The following SLC1A1 variants were observed in gnomAD, a reference collection of about 807,000 sequenced individuals.
The protein encoded by SLC1A1 is excitatory amino acid transporter 3.
Under a neutral mutation model 53.3 loss-of-function variants are expected in SLC1A1, and 43 were observed. That is an observed-to-expected ratio of 0.81 (90% CI 0.63 to 1.04). The LOEUF (loss-of-function observed/expected upper bound fraction) is 1.04. SLC1A1 is among the 50% of genes least tolerant of loss of function. The probability of loss-of-function intolerance (pLI) is 0.00; values close to 1 mark genes in which losing one functional copy is unlikely to be tolerated. For missense variants in SLC1A1, 748 were observed against 664.9 expected, an observed-to-expected ratio of 1.12 and a Z score of -1.37; for synonymous variants, 307 against 243.2, an observed-to-expected ratio of 1.26 and a Z score of -2.44.
rs1418473880 is a variant in SLC1A1, at chr9:4,587,181, A to G, written c.*1623A>G. On this transcript the variant is annotated 3_prime_UTR_variant, in exon 12 of 12. Transcript: ENST00000262352. Reference sequence around the variant, plus strand: ...ACTGAATTGTTATGTAAACATCATAAATAGTAAATAATGATTCAATGTGAA... The same window carrying G: ...ACTGAATTGTTATGTAAACATCATAGATAGTAAATAATGATTCAATGTGAA... 1 of 152,630 alleles carries G rather than the reference A, an allele frequency of 6.6e-6. No individual in the cohort carries two copies. Among genetic ancestry groups the G allele is most frequent in the East Asian group, 1.9e-4 (1 of 5,206 alleles). 9.5% of individuals were successfully genotyped at this position (152,630 alleles called of 1,614,324 possible).
At chr9:4,545,585 C>G (rs576289719) in intron 2 of SLC1A1, among the ~76,000 whole-genome samples, 8 of 152,360 alleles carry the variant, frequency 5.3e-5, no homozygotes, top group South Asian at 2.1e-4. Flanking sequence ...TCCTTACCCA[C>G]TTTCTACTCA....
intron 1 of SLC1A1, among the ~76,000 whole-genome samples, chr9:4,526,239 T>G (rs144728533): frequency 2.2e-3 from 335 of 152,292 alleles, no homozygotes; most frequent in African/African-American, 7.5e-3. Context: ...GGAAAGAATT[T>G]ATTAGATAAG....
At chr9:4,561,208 A>G (rs923761211) in intron 2 of SLC1A1, among the ~76,000 whole-genome samples, 2 of 152,098 alleles carry the variant, frequency 1.3e-5, no homozygotes, top group Non-Finnish European at 2.9e-5. Context: ...AAGGCAGGAC[A>G]CTCCTGGAGG....
intron 1 of SLC1A1, among the ~76,000 whole-genome samples, chr9:4,519,851 G>A (rs1414239351): frequency 6.6e-6 from 1 of 152,152 alleles, no homozygotes; most frequent in Non-Finnish European, 1.5e-5. Flanking sequence ...TGGGGACCCG[G>A]ACCACATGTC....
In SLC1A1 at chr9:4,564,409, G is replaced by C. The variant is rs770695246; in HGVS notation, c.391G>C (p.Gly131Arg). Residue 131 changes from glycine to arginine, a missense_variant, in exon 4 of 12, where the codon GGC (glycine) becomes CGC (arginine). Physicochemically the swap from Gly to Arg is moderately radical, Grantham distance 125 (BLOSUM62 -2). Coordinates refer to ENST00000262352, the MANE Select transcript of SLC1A1 (RefSeq NM_004170.6). ...GAAAGTGGGTGAAATTGCGAGGACA[G>C]GCAGCACCCCTGAAGTCAGTACGGT... Reference protein sequence around the residue: ...TQKVGEIARTGSTPEVSTVDA... With the variant: ...TQKVGEIARTRSTPEVSTVDA... The C allele has an allele frequency of 6.2e-7, 1 of 1,613,898 alleles. No homozygotes were observed. Among genetic ancestry groups the C allele is most frequent in the Non-Finnish European group, 8.5e-7 (1 of 1,179,908 alleles).
intron 2 of SLC1A1, among the ~76,000 whole-genome samples, chr9:4,551,889 G>A (rs915312313): frequency 6.6e-6 from 1 of 152,188 alleles, no homozygotes; most frequent in Admixed American, 6.5e-5. Context: ...TTTCTGAAAT[G>A]CCTGGCCTCC....
At chr9:4,558,045 CATT>C (rs201342766) in intron 2 of SLC1A1, among the ~76,000 whole-genome samples, 3,507 of 152,182 alleles carry the variant, frequency 0.023, 54 homozygotes, top group Non-Finnish European at 0.034. Flanking sequence ...TTATTGTCAT[CATT>C]ATTATTTGTA....
intron 2 of SLC1A1, among the ~76,000 whole-genome samples, chr9:4,545,320 C>A (rs1197261206): frequency 1.3e-5 from 2 of 152,010 alleles, no homozygotes; most frequent in African/African-American, 2.4e-5. Flanking sequence ...ACAGCTCTGT[C>A]CACCACTGCT....
Position 4,549,152 on chromosome 9 carries a change from C to T in SLC1A1, c.232+4445C>T, listed in dbSNP as rs1206023100. 1.1e-4 allele frequency among the ~76,000 whole-genome samples: 17 copies of T among 152,220 alleles called. No individual in the cohort carries two copies. In the East Asian group the frequency reaches 2.5e-3, roughly 23 times the overall value. ...AGGGACAGAACAGCACCTCCAGTCC[C>T]GCTCCCAGAGGTCCCCTGAGCATCC... On this transcript the variant is annotated intron_variant, in intron 2 of 11. Transcript: ENST00000262352. This position sits in a 1 kb window ranked among gnomAD's most constrained non-coding sequence, Gnocchi z 4.1.
intron 2 of SLC1A1, among the ~76,000 whole-genome samples, chr9:4,550,095 C>T (rs902054600): frequency 6.6e-6 from 1 of 152,170 alleles, no homozygotes; most frequent in Non-Finnish European, 1.5e-5. Flanking sequence ...GAGTGTGAGT[C>T]CTAGTACTGA....
chr9:4,495,066 G>T (rs1461290566), intron 1 of SLC1A1, among the ~76,000 whole-genome samples: 1 of 152,176 alleles, frequency 6.6e-6, no homozygotes. Context: ...GCTCCTTCAT[G>T]GTCTTAGCAA....
At chr9:4,581,460 C>G (rs189477821) in intron 10 of SLC1A1, among the ~76,000 whole-genome samples, 1 of 152,290 alleles carries the variant, frequency 6.6e-6, no homozygotes, top group East Asian at 1.9e-4. Context: ...TAAGCAAGGT[C>G]AAGGCTCAAG....
intron 1 of SLC1A1, among the ~76,000 whole-genome samples, chr9:4,540,589 C>T (rs1816920303): frequency 6.6e-6 from 1 of 152,202 alleles, no homozygotes; most frequent in African/African-American, 2.4e-5. Context: ...ACGGAGTTCA[C>T]TCCAGCTGAT....
At chr9:4,577,347 G>A (rs574881396) in intron 10 of SLC1A1, among the ~76,000 whole-genome samples, 2 of 152,316 alleles carry the variant, frequency 1.3e-5, no homozygotes, top group South Asian at 4.1e-4. Context: ...CTGGCATAAA[G>A]GATACATAAA....
chr9:4,538,062 T>G (rs1816743806), intron 1 of SLC1A1, among the ~76,000 whole-genome samples: 2 of 152,184 alleles, frequency 1.3e-5, no homozygotes, highest in Non-Finnish European at 1.5e-5. Context: ...AAATGTTTAG[T>G]TCAAGGCCTG....
intron 1 of SLC1A1, among the ~76,000 whole-genome samples, chr9:4,533,365 G>A (rs1564013008): frequency 2.6e-5 from 4 of 152,106 alleles, no homozygotes. Flanking sequence ...AGGGATGGAG[G>A]AAGATCTACC....
intron 10 of SLC1A1, among the ~76,000 whole-genome samples, chr9:4,581,618 G>A (rs1329770216): frequency 2.0e-5 from 3 of 152,200 alleles, no homozygotes; most frequent in Admixed American, 6.5e-5. Context: ...ACCTGTTGAT[G>A]CATTCCATTT....
chr9:4,542,300 G>T (rs762493791), intron 1 of SLC1A1, among the ~76,000 whole-genome samples: 3 of 152,054 alleles, frequency 2.0e-5, no homozygotes, highest in Non-Finnish European at 4.4e-5. Context: ...AACCTACTTG[G>T]GGTACATGTC....
rs1818365937 is a variant in SLC1A1, at chr9:4,556,205, A to C, written c.233-5244A>C. Reference sequence around the variant, plus strand: ...TTTGTTTTTTTGTTTTTTTAAGTAGAGATGGGGTTTCACCATGTTGGCCAG... The same window carrying C: ...TTTGTTTTTTTGTTTTTTTAAGTAGCGATGGGGTTTCACCATGTTGGCCAG... On this transcript the variant is annotated intron_variant, in intron 2 of 11. Coordinates refer to ENST00000262352, the MANE Select transcript of SLC1A1 (RefSeq NM_004170.6). This position sits in a 1 kb window ranked among gnomAD's most constrained non-coding sequence, Gnocchi z 4.1. Among the ~76,000 whole-genome samples, 1 of 152,060 alleles carries C rather than the reference A, an allele frequency of 6.6e-6. No homozygotes were observed. Among genetic ancestry groups the C allele is most frequent in the Non-Finnish European group, 1.5e-5 (1 of 68,018 alleles).
Sources: gnomAD v4.1 joint callset for allele counts (sites outside exome capture counted in the v4.1 genomes callset) on GRCh38, gnomAD v4.1.1 for gene constraint, Gnocchi (gnomAD v3.1) non-coding constraint, MANE v1.5 for transcripts, NCBI Gene and HGNC (gene_info 2026-07-23, HGNC 2026-07-21) for gene names.